Variants in RERE observed in about 807,000 individuals in gnomAD.
RERE encodes the protein arginine-glutamic acid dipeptide repeats protein.
RERE carries 40 observed loss-of-function variants against 146.1 expected under a neutral mutation model. That is an observed-to-expected ratio of 0.27 (90% CI 0.21 to 0.36). RERE has a LOEUF of 0.36. RERE is among the 10% of genes least tolerant of loss of function. RERE has a pLI of 1.00. For missense variants in RERE, 1,933 were observed against 2,138.7 expected (o/e 0.90, Z 1.90); for synonymous variants, 1,003 against 866.0 (o/e 1.16, Z -2.78).
rs1445076107 is a variant in RERE at position 8,366,062 on chromosome 1, G to GT, written c.1285-89dup. 21 of 1,312,852 alleles carry GT rather than the reference G, an allele frequency of 1.6e-5. No individual in the cohort carries two copies. In the East Asian group the frequency reaches 4.9e-4, roughly 31 times the overall value. The allele number at this position is 1,312,852 out of a possible 1,614,324, so 81.3% of individuals were successfully genotyped here. A position where few individuals can be genotyped will look rare whatever the true frequency, so the allele number is the denominator to read the frequency against. ...TCTCTGCCACAGTGGAAAGCTGGGT[G>GT]TTTAACAGCTGTGCCAGAGATGAGA... On this transcript the variant is annotated intron_variant, in intron 12 of 22. Transcript: ENST00000400908.
intron 19 of RERE, 119 bp downstream of exon 19, chr1:8,359,645 C>T (rs1448981225): frequency 4.4e-6 from 5 of 1,132,934 alleles, no homozygotes; most frequent in Non-Finnish European, 3.9e-6. Flanking sequence ...AGCACCCAAC[C>T]CTCTAGCTGC....
chr1:8,353,866 A>G lies in RERE; in HGVS notation c.*1221T>C, dbSNP rs1413287644. ...CTTAACTCCAGGATCTCCCTTGCTC[A>G]AAAGTGGCCTCAATCTGTGGCAAGA... On this transcript the variant is annotated 3_prime_UTR_variant, in exon 23 of 23. Transcript: ENST00000400908. 1 of 152,554 alleles carries G rather than the reference A, an allele frequency of 6.6e-6. No individual in the cohort carries two copies. Among genetic ancestry groups the G allele is most frequent in the Non-Finnish European group, 1.5e-5 (1 of 68,042 alleles). The allele number at this position is 152,554 out of a possible 1,614,324, so 9.5% of individuals were successfully genotyped here.
intron 1 of RERE, among the ~76,000 whole-genome samples, chr1:8,811,561 T>C (rs1641811120): frequency 6.6e-6 from 1 of 152,170 alleles, no homozygotes; most frequent in East Asian, 1.9e-4. Context: ...TGAGCTATGC[T>C]CATGCCACTG....
chr1:8,507,628 C>T (rs995433517), intron 8 of RERE, among the ~76,000 whole-genome samples: 4 of 151,930 alleles, frequency 2.6e-5, no homozygotes, highest in Admixed American at 2.0e-4. Context: ...AGGCTGGTCT[C>T]AAACTCCCGA....
chr1:8,645,931 G>C (rs1202607964), intron 2 of RERE, among the ~76,000 whole-genome samples: 1 of 152,158 alleles, frequency 6.6e-6, no homozygotes, highest in Non-Finnish European at 1.5e-5. Flanking sequence ...AAAAGAAACA[G>C]AAGAAATTAA....
intron 7 of RERE, among the ~76,000 whole-genome samples, chr1:8,530,608 A>T (rs1645631390): frequency 6.6e-6 from 1 of 152,106 alleles, no homozygotes; most frequent in South Asian, 2.1e-4. Flanking sequence ...AGAAGTATTC[A>T]GAAGCAGTTT....
chr1:8,523,418 CCAA>C (rs1426257151), intron 7 of RERE, among the ~76,000 whole-genome samples: 1 of 152,082 alleles, frequency 6.6e-6, no homozygotes, highest in Non-Finnish European at 1.5e-5. Flanking sequence ...TGCTACATTC[CCAA>C]CATTTCCTGA....
At chr1:8,358,999 C>A in intron 19 of RERE, 83 bp from the exon 20 acceptor site, 4 of 1,457,082 alleles carry the variant, frequency 2.7e-6, no homozygotes, top group South Asian at 2.9e-5. Flanking sequence ...TGGGCCTGGT[C>A]CTGCTCCTGG....
At chr1:8,382,348 C>T (rs942011442) in intron 12 of RERE, among the ~76,000 whole-genome samples, 2 of 152,262 alleles carry the variant, frequency 1.3e-5, no homozygotes, top group Non-Finnish European at 2.9e-5. Flanking sequence ...CCACAAGTAT[C>T]CCAATTTCTT....
chr1:8,359,688 C>T, intron 19 of RERE, 76 bp downstream of exon 19: 2 of 1,504,154 alleles, frequency 1.3e-6, no homozygotes, highest in Non-Finnish European at 1.8e-6. Flanking sequence ...AAGGGCAGAG[C>T]TCGGTGGCCC....
rs1422708679 is a variant in RERE, at chr1:8,361,474, T to C, written c.2033A>G (p.Asn678Ser). The change falls in exon 18 of 23, where the codon AAC (asparagine) becomes AGC (serine). Residue 678 changes from asparagine (N) to serine (S), a missense_variant. Physicochemically the swap from Asn to Ser is conservative, Grantham distance 46. This residue lies in a region of RERE where 1,255 missense variants were observed against 1,153.8 expected (regional missense o/e 1.09). Coordinates refer to ENST00000400908, the MANE Select transcript of RERE (RefSeq NM_001042681.2). Reference protein sequence around the residue: ...KTKTQEISRPNSPSEGEGESS... With the variant: ...KTKTQEISRPSSPSEGEGESS... ...CTCTCCCTCACCTTCAGATGGCGAGTTGGGCCTGCTGATCTCCTGGAGTCA... is the reference window on the plus strand; with the variant it reads ...CTCTCCCTCACCTTCAGATGGCGAGCTGGGCCTGCTGATCTCCTGGAGTCA... The C allele has an allele frequency of 1.3e-5, 21 of 1,611,756 alleles. No individual in the cohort carries two copies. Among genetic ancestry groups the C allele is most frequent in the Non-Finnish European group, 1.7e-5 (20 of 1,179,960 alleles).
At chr1:8,399,570 T>C (rs759981674) in intron 12 of RERE, among the ~76,000 whole-genome samples, 1 of 152,224 alleles carries the variant, frequency 6.6e-6, no homozygotes, top group Non-Finnish European at 1.5e-5. Flanking sequence ...AAAGCCTATC[T>C]TCCTTGTTTC....
intron 19 of RERE, among the ~76,000 whole-genome samples, chr1:8,359,328 C>T (rs1482100770): frequency 1.3e-5 from 2 of 152,222 alleles, no homozygotes; most frequent in African/African-American, 4.8e-5. Flanking sequence ...GCCACCACCA[C>T]AGCACCCAGC....
intron 10 of RERE, among the ~76,000 whole-genome samples, chr1:8,475,879 T>C (rs1644749879): frequency 6.6e-6 from 1 of 152,186 alleles, no homozygotes; most frequent in African/African-American, 2.4e-5. Context: ...TTTCAAATAA[T>C]GCTATTAGGT....
rs572795552 is a variant in RERE at position 8,355,020 on chromosome 1, T to C, written c.*67A>G. 37 of 1,333,754 alleles carry C rather than the reference T, an allele frequency of 2.8e-5. No homozygotes were observed. The highest frequency in any genetic ancestry group is 3.6e-5 in the Non-Finnish European group (34 of 939,962). 82.6% of individuals were successfully genotyped at this position (1,333,754 alleles called of 1,614,324 possible). On this transcript the variant is annotated 3_prime_UTR_variant, in exon 23 of 23. Transcript: ENST00000400908. ...TTTTGCTTTTGCAGCTCCTATTTTA[T>C]GTAAAAAGTCCTGTTTCTCCCCCCA...
chr1:8,605,728 G>A (rs181609308), intron 4 of RERE, among the ~76,000 whole-genome samples: 1,199 of 103,320 alleles, frequency 0.012, 22 homozygotes, highest in African/African-American at 0.044. Context: ...CTGGGCAACA[G>A]AGCAAGACCC....
At chr1:8,625,627 C>G (rs2124231598) in intron 2 of RERE, among the ~76,000 whole-genome samples, 1 of 152,306 alleles carries the variant, frequency 6.6e-6, no homozygotes, top group South Asian at 2.1e-4. Flanking sequence ...TCATTTTATA[C>G]TTCCTCTGGA....
chr1:8,516,982 G>A (rs1324266787), intron 7 of RERE, among the ~76,000 whole-genome samples: 1 of 152,130 alleles, frequency 6.6e-6, no homozygotes. Context: ...GACCACAAAG[G>A]GAGAGCTTTG....
chr1:8,624,096 T>A (rs1297736369), intron 3 of RERE, among the ~76,000 whole-genome samples: 1 of 152,216 alleles, frequency 6.6e-6, no homozygotes, highest in Non-Finnish European at 1.5e-5. Flanking sequence ...AGAAATATTG[T>A]TTACAATATA....
Sources: gnomAD v4.1 joint callset for allele counts (sites outside exome capture counted in the v4.1 genomes callset) on GRCh38, gnomAD v4.1.1 for gene constraint, gnomAD v4.1.1 regional missense constraint, MANE v1.5 for transcripts, NCBI Gene and HGNC (gene_info 2026-07-23, HGNC 2026-07-21) for gene names.